RARS2: variants seen among roughly 807,000 people sequenced by gnomAD.
The protein encoded by RARS2 is probable arginine--tRNA ligase, mitochondrial.
In RARS2, 67 loss-of-function variants were observed where a neutral mutation model predicts 88.5. The ratio of observed to expected loss-of-function variants is 0.76; its 90% CI spans 0.62 to 0.93. RARS2 has a LOEUF of 0.93. Among genes scored for constraint, RARS2 ranks in the 40% least tolerant of loss-of-function variants. The probability of loss-of-function intolerance (pLI) is 0.00; values close to 1 mark genes in which losing one functional copy is unlikely to be tolerated. For synonymous variants in RARS2, 239 were observed against 230.3 expected, an observed-to-expected ratio of 1.04 and a Z score of -0.34; for missense variants, 664 against 684.2, an observed-to-expected ratio of 0.97 and a Z score of 0.33.
chr6:87,560,216 G>A (rs961856385), intron 4 of RARS2, among the ~76,000 whole-genome samples: 2 of 152,102 alleles, frequency 1.3e-5, no homozygotes, highest in Non-Finnish European at 1.5e-5. Context: ...TGATTTGAAC[G>A]GTTTAAGAGA....
chr6:87,518,787 A>C, intron 15 of RARS2, 37 bp downstream of exon 15: 2 of 1,612,912 alleles, frequency 1.2e-6, no homozygotes, highest in African/African-American at 2.7e-5. Flanking sequence ...CTCTAGTACC[A>C]AACAAAAGGG....
rs751087240 is a variant in RARS2, at chr6:87,548,638, T to C, written c.404A>G (p.Asn135Ser). Reference protein sequence around the residue: ...KKIVVEFSSPNVAKKFHVGHL... With the variant: ...KKIVVEFSSPSVAKKFHVGHL... ...TCCAACATGAAATTTTTTGGCAACA[T>C]TAGGTGAACTGCAAAAAAAATGGGA... Residue 135 changes from asparagine to serine, a missense_variant, in exon 6 of 20, where the codon AAT becomes AGT. Transcript: ENST00000369536. 6.2e-7 allele frequency: 1 copy of C among 1,612,822 alleles called. No homozygotes were observed. The highest frequency in any genetic ancestry group is 1.7e-5 in the Admixed American group (1 of 59,950).
chr6:87,571,176 C>T (rs1309811696), intron 1 of RARS2, among the ~76,000 whole-genome samples: 4 of 152,082 alleles, frequency 2.6e-5, no homozygotes, highest in African/African-American at 9.7e-5. Context: ...GGTGGTTTCC[C>T]CCATTCTGTT....
At chr6:87,530,706 C>T (rs1169204830) in intron 9 of RARS2, 78 bp downstream of exon 9, 1 of 1,540,060 alleles carries the variant, frequency 6.5e-7, no homozygotes. Context: ...ACAAGCTTAA[C>T]ACGCAACTTT....
At chr6:87,522,209 A>G (rs987300342) in intron 11 of RARS2, among the ~76,000 whole-genome samples, 3 of 152,110 alleles carry the variant, frequency 2.0e-5, no homozygotes, top group African/African-American at 7.2e-5. Flanking sequence ...GCACGCCTGT[A>G]ATCCCAGCTA....
At chr6:87,522,191 G>A (rs1414479672) in intron 11 of RARS2, among the ~76,000 whole-genome samples, 3 of 151,996 alleles carry the variant, frequency 2.0e-5, no homozygotes, top group Admixed American at 1.3e-4. Context: ...TTAGCTGGGC[G>A]TGGTGGCGCA....
At chr6:87,548,017 A>G (rs1783117938) in intron 6 of RARS2, among the ~76,000 whole-genome samples, 1 of 152,182 alleles carries the variant, frequency 6.6e-6, no homozygotes. Flanking sequence ...TTTTAACAAA[A>G]ATTGTTATTC....
At position 87,589,905 on chromosome 6, in the gene RARS2, C is replaced by A; in HGVS notation, c.36+17G>T. 6.2e-7 allele frequency: 1 copy of A among 1,614,222 alleles called. No homozygotes were observed. Among genetic ancestry groups the A allele is most frequent in the Middle Eastern group, 1.7e-4 (1 of 6,058 alleles). On this transcript the variant is annotated intron_variant, in intron 1 of 19. Transcript: ENST00000369536. Reference sequence around the variant, plus strand: ...CTAGCTCCTCAGGGACTCCTCTGCGCGCTCCGGGATCCATACCTGGCAAGC... The same window carrying A: ...CTAGCTCCTCAGGGACTCCTCTGCGAGCTCCGGGATCCATACCTGGCAAGC...
chr6:87,530,932 T>G lies in RARS2; in HGVS notation c.623A>C (p.Gln208Pro). The G allele has an allele frequency of 3.1e-6, 5 of 1,614,134 alleles. No individual in the cohort carries two copies. Among genetic ancestry groups the G allele is most frequent in the Non-Finnish European group, 4.2e-6 (5 of 1,180,018 alleles). Residue 208 changes from glutamine (Q) to proline (P), a missense_variant, in exon 9 of 20, where the codon CAA becomes CCA. Gln to Pro is a moderately conservative substitution (Grantham distance 76). Transcript: ENST00000369536. Reference protein sequence around the residue: ...PLQHLFEVYVQVNKEAADDKS... With the variant: ...PLQHLFEVYVPVNKEAADDKS... ...ATCATCTGCTGCTTCTTTATTAACT[T>G]GTACATAAACCTAAAAGTACAATAG...
chr6:87,523,785 TTTAC>T (rs1774760805), intron 11 of RARS2, among the ~76,000 whole-genome samples: 1 of 152,214 alleles, frequency 6.6e-6, no homozygotes, highest in Non-Finnish European at 1.5e-5. Context: ...CAATAGTTTA[TTTAC>T]TTAATCTATC....
intron 1 of RARS2, among the ~76,000 whole-genome samples, chr6:87,578,114 C>A (rs1034937707): frequency 1.3e-5 from 2 of 148,750 alleles, no homozygotes; most frequent in African/African-American, 2.5e-5. Flanking sequence ...GAGACCCCCC[C>A]CCCCGCCATC....
chr6:87,544,179 G>T (rs904663557), intron 7 of RARS2, among the ~76,000 whole-genome samples: 2 of 152,172 alleles, frequency 1.3e-5, no homozygotes, highest in African/African-American at 2.4e-5. Flanking sequence ...GTCTAAATCG[G>T]TCAAATTAAT....
At position 87,519,717 on chromosome 6, in the gene RARS2, T is replaced by C; in HGVS notation, c.1113-10A>G. 2 of 1,613,878 alleles carry C rather than the reference T, an allele frequency of 1.2e-6. No homozygotes were observed. Among genetic ancestry groups the C allele is most frequent in the South Asian group, 1.1e-5 (1 of 91,080 alleles). ...GGGCACGTGCTGGCACCTAAAAGAG[T>C]GGGCATCTAGTTAACTGAAAGCTAA... On this transcript the variant is annotated splice_polypyrimidine_tract_variant and intron_variant, in intron 13 of 19. Transcript: ENST00000369536.
intron 19 of RARS2, 118 bp from the exon 20 acceptor site, chr6:87,514,617 G>T: frequency 1.1e-6 from 1 of 893,888 alleles, no homozygotes; most frequent in Non-Finnish European, 1.8e-6. Context: ...ATGTCAAAGT[G>T]CCCTAGAGTT....
intron 8 of RARS2, among the ~76,000 whole-genome samples, chr6:87,532,081 A>G (rs903900412): frequency 7.9e-5 from 12 of 152,214 alleles, no homozygotes; most frequent in Non-Finnish European, 1.8e-4. Flanking sequence ...CCCACTAGAT[A>G]CTACCAACAA....
At chr6:87,554,206 T>C (rs915446789) in intron 5 of RARS2, among the ~76,000 whole-genome samples, 3 of 152,174 alleles carry the variant, frequency 2.0e-5, no homozygotes, top group African/African-American at 7.2e-5. Context: ...GGAAGACAAA[T>C]GCAACATCTC....
Position 87,557,281 on chromosome 6 carries a change from T to C in RARS2, c.298-1776A>G, listed in dbSNP as rs188726277. Among the ~76,000 whole-genome samples, 89 of 152,264 alleles carry C rather than the reference T, an allele frequency of 5.8e-4. No individual in the cohort carries two copies. The East Asian group carries it at 9.1e-3, about 16-fold the overall frequency. Reference sequence around the variant, plus strand: ...CTCACATTGTGCAATAAGAAACACATAAAGGATTAATACAATATATAGACA... The same window carrying C: ...CTCACATTGTGCAATAAGAAACACACAAAGGATTAATACAATATATAGACA... On this transcript the variant is annotated intron_variant, in intron 4 of 19. Transcript: ENST00000369536.
Position 87,518,812 on chromosome 6 carries a change from G to A in RARS2, c.1305+12C>T, listed in dbSNP as rs775209523. 78 of 1,613,540 alleles carry A rather than the reference G, an allele frequency of 4.8e-5. No individual in the cohort carries two copies. Among genetic ancestry groups the A allele is most frequent in the Non-Finnish European group, 6.4e-5 (75 of 1,179,590 alleles). ...AAACAAAAGGGCCTCACAGGTAGGA[G>A]TCTTAACAGACCTGAATAATGAGTG... On this transcript the variant is annotated intron_variant, in intron 15 of 19. Transcript: ENST00000369536.
chr6:87,554,420 C>A (rs1448553860), intron 5 of RARS2, among the ~76,000 whole-genome samples: 6 of 152,050 alleles, frequency 3.9e-5, no homozygotes. Context: ...ACATTTATTA[C>A]AAATACTAAA....
Sources: gnomAD v4.1 joint callset for allele counts (sites outside exome capture counted in the v4.1 genomes callset) on GRCh38, gnomAD v4.1.1 for gene constraint, MANE v1.5 for transcripts, NCBI Gene and HGNC (gene_info 2026-07-23, HGNC 2026-07-21) for gene names.